Variants in C12orf54 observed in about 807,000 individuals in gnomAD.
C12orf54 encodes chromosome 12 open reading frame 54, also known as uncharacterized protein C12orf54.
Under a neutral mutation model 26.4 loss-of-function variants are expected in C12orf54, and 24 were observed. The observed-to-expected ratio is 0.91, with a 90% confidence interval of 0.66 to 1.28. The LOEUF is 1.28. Among genes scored for constraint, C12orf54 ranks in the 50% most tolerant of loss-of-function variants. C12orf54 has a pLI of 0.00. For synonymous variants in C12orf54, 54 were observed against 47.0 expected (o/e 1.15, Z -0.61); for missense variants, 154 against 150.9 (o/e 1.02, Z -0.11).
the C12orf54 span, among the ~76,000 whole-genome samples, chr12:48,459,409 A>AGT: frequency 0.54 from 82,219 of 151,720 alleles, 24,089 homozygotes; most frequent in East Asian, 0.81. Flanking sequence ...TTTTTAAAAC[A>AGT]GTGTGATTCA....
the C12orf54 span, among the ~76,000 whole-genome samples, chr12:48,446,325 G>A: frequency 3.3e-3 from 501 of 152,280 alleles, 1 homozygote; most frequent in African/African-American, 0.011. Flanking sequence ...CTCTTATGCT[G>A]TAACAACTCC....
At chr12:48,437,004 G>A in the C12orf54 span, among the ~76,000 whole-genome samples, 2 of 124,440 alleles carry the variant, frequency 1.6e-5, no homozygotes, top group African/African-American at 5.8e-5. Flanking sequence ...TTGATAGACT[G>A]CTAGCAAGAC....
the C12orf54 span, among the ~76,000 whole-genome samples, chr12:48,426,529 C>A: frequency 6.6e-6 from 1 of 152,016 alleles, no homozygotes; most frequent in Non-Finnish European, 1.5e-5. Context: ...ATGCCTCCAG[C>A]TTTGTTCTTT....
At chr12:48,475,871 A>G in the C12orf54 span, among the ~76,000 whole-genome samples, 4 of 152,158 alleles carry the variant, frequency 2.6e-5, no homozygotes, top group African/African-American at 9.7e-5. Flanking sequence ...GCAGGCCAAC[A>G]TTCAGATTCA....
chr12:48,440,742 A>G, the C12orf54 span, among the ~76,000 whole-genome samples: 3 of 152,352 alleles, frequency 2.0e-5, no homozygotes, highest in East Asian at 5.8e-4. Flanking sequence ...GGACATGCCT[A>G]GGTCCAAAAC....
In C12orf54 at chr12:48,494,841, AG is replaced by A; in HGVS notation, c.287del (p.Arg96AsnfsTer18). ...TTCCTTGATGACCCCAAAGTTGAGAAGATTGCAGTTCAGCTCTGGAGAGCAG... is the reference window on the plus strand; with the variant it reads ...TTCCTTGATGACCCCAAAGTTGAGAAATTGCAGTTCAGCTCTGGAGAGCAG... ...PDSLMTPKLR[R>X]LQFSSGEQPS... On this transcript the variant is annotated frameshift_variant, in exon 8 of 9. Transcript: ENST00000548364. LOFTEE classifies it high-confidence loss of function. 6.2e-7 allele frequency: 1 copy of A among 1,613,888 alleles called. No homozygotes were observed. Among genetic ancestry groups the A allele is most frequent in the Non-Finnish European group, 8.5e-7 (1 of 1,179,728 alleles).
intron 2 of C12orf54, 105 bp downstream of exon 2, chr12:48,483,466 G>C: frequency 1.0e-6 from 1 of 1,001,816 alleles, no homozygotes; most frequent in East Asian, 2.6e-5. Flanking sequence ...GGCTTCACTT[G>C]CTTCCTGGCT....
At chr12:48,434,136 G>T in the C12orf54 span, among the ~76,000 whole-genome samples, 1 of 152,120 alleles carries the variant, frequency 6.6e-6, no homozygotes, top group Non-Finnish European at 1.5e-5. Flanking sequence ...GACTCGGAGG[G>T]TCCTACACCC....
the C12orf54 span, among the ~76,000 whole-genome samples, chr12:48,462,139 A>G: frequency 6.6e-6 from 1 of 151,638 alleles, no homozygotes; most frequent in African/African-American, 2.4e-5. Flanking sequence ...AAATTTGAAA[A>G]TGGATAAGAA....
chr12:48,486,278 G>A (rs1954262778), intron 3 of C12orf54, 70 bp downstream of exon 3: 1 of 1,501,726 alleles, frequency 6.7e-7, no homozygotes, highest in African/African-American at 1.4e-5. Flanking sequence ...GAGGAGAAGA[G>A]GTTGTAGACA....
At chr12:48,476,891 C>A in the C12orf54 span, among the ~76,000 whole-genome samples, 2 of 152,102 alleles carry the variant, frequency 1.3e-5, no homozygotes, top group Non-Finnish European at 2.9e-5. Flanking sequence ...CTGCACCAAG[C>A]GGACCTAATA....
chr12:48,429,518 C>A, the C12orf54 span, among the ~76,000 whole-genome samples: 66 of 152,080 alleles, frequency 4.3e-4, no homozygotes, highest in African/African-American at 1.5e-3. Context: ...CTCCCATACA[C>A]CAACAGCAAC....
chr12:48,489,548 C>T (rs1937738237), intron 5 of C12orf54, among the ~76,000 whole-genome samples: 1 of 152,038 alleles, frequency 6.6e-6, no homozygotes, highest in Non-Finnish European at 1.5e-5. Context: ...CCCTTAGCCT[C>T]TCAAGTAGCT....
chr12:48,462,133 T>A, the C12orf54 span, among the ~76,000 whole-genome samples: 5 of 151,510 alleles, frequency 3.3e-5, no homozygotes, highest in African/African-American at 1.2e-4. Context: ...TTTAATAAAT[T>A]TGAAAATGGA....
the C12orf54 span, among the ~76,000 whole-genome samples, chr12:48,432,013 A>G: frequency 6.6e-6 from 1 of 152,204 alleles, no homozygotes; most frequent in East Asian, 1.9e-4. Context: ...AGATGGAGTG[A>G]ATGCAATAAA....
At chr12:48,462,626 G>GA in the C12orf54 span, among the ~76,000 whole-genome samples, 1 of 151,258 alleles carries the variant, frequency 6.6e-6, no homozygotes, top group Non-Finnish European at 1.5e-5. Flanking sequence ...GAATAAAGAA[G>GA]AAAAAATCTT....
intron 5 of C12orf54, chr12:48,489,439 C>G (rs1446641100): frequency 3.9e-6 from 1 of 258,160 alleles, no homozygotes; most frequent in Non-Finnish European, 7.8e-6. Context: ...CTCTCTCTCT[C>G]TCTTTGAGAC....
At chr12:48,494,466 G>A (rs1370871547) in intron 7 of C12orf54, among the ~76,000 whole-genome samples, 1 of 152,212 alleles carries the variant, frequency 6.6e-6, no homozygotes, top group Non-Finnish European at 1.5e-5. Context: ...CTTTGCATAT[G>A]AGGAGCACTT....
chr12:48,479,546 C>T (rs1299658039), upstream of C12orf54, among the ~76,000 whole-genome samples: 1 of 150,856 alleles, frequency 6.6e-6, no homozygotes, highest in Admixed American at 6.6e-5. Context: ...TAAAAAAGAA[C>T]ATTTTTAGGG....
Sources: gnomAD v4.1 joint callset for allele counts (sites outside exome capture counted in the v4.1 genomes callset) on GRCh38, gnomAD v4.1.1 for gene constraint, MANE v1.5 for transcripts, NCBI Gene and HGNC (gene_info 2026-07-23, HGNC 2026-07-21) for gene names.